The following MACF1 variants were observed in gnomAD, a reference collection of about 807,000 sequenced individuals.
MACF1 encodes the protein microtubule actin crosslinking factor 1.
MACF1 carries 193 observed loss-of-function variants against 854.8 expected under a neutral mutation model. The ratio of observed to expected loss-of-function variants is 0.23; its 90% CI spans 0.20 to 0.25. The LOEUF is 0.25. MACF1 is among the 10% of genes least tolerant of loss of function. The pLI, the probability that MACF1 is intolerant of heterozygous loss-of-function variation, is 1.00. For synonymous variants in MACF1, 3,185 were observed against 3,226.7 expected (o/e 0.99, Z 0.44); for missense variants, 7,722 against 8,929.1 (o/e 0.86, Z 5.45).
chr1:39,337,047 C>A (rs1011876571), intron 37 of MACF1, 135 bp from the exon 38 acceptor site: 1 of 761,562 alleles, frequency 1.3e-6, no homozygotes, highest in Non-Finnish European at 2.1e-6. Context: ...ATGACTTAAA[C>A]AAAGTGTTTT....
chr1:39,166,723 G>A (rs1197264967), intron 2 of MACF1, among the ~76,000 whole-genome samples: 2 of 151,642 alleles, frequency 1.3e-5, no homozygotes, highest in Admixed American at 1.3e-4. Context: ...AGAGTGCTGG[G>A]ATTACAGGCG....
At position 39,358,791 on chromosome 1, in the gene MACF1, G is replaced by A. The variant is rs770714824; in HGVS notation, c.12038G>A (p.Cys4013Tyr). The part of the protein sequence containing the change: ...ADSLQAWMQA[C>Y]EANVEKLLSD... The stretch of plus-strand genomic sequence containing the variant: ...AGCCTGCAGGCCTGGATGCAGGCTT[G>A]TGAGGCCAACGTGGAGAAGCTCCTC... Residue 4013 changes from cysteine to tyrosine, a missense_variant, in exon 46 of 101, where the codon TGT becomes TAT. This residue lies in a region of MACF1 where 2,807 missense variants were observed against 3,235.8 expected (regional missense o/e 0.87). Coordinates refer to ENST00000564288, the MANE Select transcript of MACF1 (RefSeq NM_001394062.1). The A allele has an allele frequency of 1.2e-6, 2 of 1,614,012 alleles. No individual in the cohort carries two copies. The highest frequency in any genetic ancestry group is 1.7e-6 in the Non-Finnish European group (2 of 1,179,990).
In MACF1 at chr1:39,336,375, G is replaced by A; in HGVS notation, c.9787G>A (p.Gly3263Ser). ...CATTGAGGACATAGTGACTCAGAGA[G>A]GTTCCAGAGTCTTGGGATCCTTTCT... is the stretch of plus-strand genomic sequence containing the variant. ...GSIEDIVTQR[G>S]SRVLGSFLPE... The change falls in exon 37 of 101, where the codon GGT becomes AGT. Residue 3263 changes from glycine to serine, a missense_variant. By Grantham distance (56) the Gly-to-Ser change is moderately conservative. Transcript: ENST00000564288. 6.2e-7 allele frequency: 1 copy of A among 1,614,202 alleles called. No individual in the cohort carries two copies. Among genetic ancestry groups the A allele is most frequent in the Non-Finnish European group, 8.5e-7 (1 of 1,180,030 alleles).
At chr1:39,471,022 A>G (rs1644766835) in intron 97 of MACF1, among the ~76,000 whole-genome samples, 1 of 152,196 alleles carries the variant, frequency 6.6e-6, no homozygotes, top group South Asian at 2.1e-4. Flanking sequence ...TTTCTATGAA[A>G]GCTAGTAACC....
At chr1:39,410,372 G>A (rs770796927) in intron 58 of MACF1, 3 of 1,613,954 alleles carry the variant, frequency 1.9e-6, no homozygotes, top group Non-Finnish European at 2.5e-6. Context: ...GTTCCACAAC[G>A]GTCTATATAT....
intron 58 of MACF1, among the ~76,000 whole-genome samples, chr1:39,406,948 GA>G (rs1301629937): frequency 6.6e-6 from 1 of 152,076 alleles, no homozygotes; most frequent in Non-Finnish European, 1.5e-5. Flanking sequence ...CAGTTGTGCT[GA>G]ATAATTAAAG....
At position 39,188,333 on chromosome 1, in the gene MACF1, C is replaced by T. The variant is rs189282914; in HGVS notation, c.221-42849C>T. ...TGAGGTGGGCAGATTGCTTGAGCCC[C>T]GGAGGTTGAAGCTGTAGTAAGCTGA... On this transcript the variant is annotated intron_variant, in intron 2 of 93. Transcript: ENST00000361689. Among the ~76,000 whole-genome samples the T allele has an allele frequency of 3.0e-3, 449 of 152,100 alleles. 1 individual carries two copies. The highest frequency in any genetic ancestry group is 0.01 in the African/African-American group (433 of 41,494).
chr1:39,276,040 T>G (rs1645430842), intron 6 of MACF1, among the ~76,000 whole-genome samples: 1 of 152,048 alleles, frequency 6.6e-6, no homozygotes, highest in South Asian at 2.1e-4. Context: ...GTGCCTCAAC[T>G]TGCCAAGTAG....
chr1:39,233,808 T>TTTTTTTTTTTTTTTTTTGTA (rs755591226), intron 2 of MACF1, among the ~76,000 whole-genome samples: 1 of 65,772 alleles, frequency 1.5e-5, no homozygotes. Context: ...ATTTATTTTT[T>TTTTTTTTTTTTTTTTTTGTA]ATTGATAATT....
chr1:39,368,049 T>G, intron 49 of MACF1, 99 bp from the exon 50 acceptor site: 1 of 825,706 alleles, frequency 1.2e-6, no homozygotes, highest in Non-Finnish European at 1.9e-6. Context: ...TGTTTTGATC[T>G]AGCATTTGAC....
chr1:39,396,502 G>A (rs1421306245), intron 58 of MACF1, among the ~76,000 whole-genome samples: 2 of 152,160 alleles, frequency 1.3e-5, no homozygotes, highest in Non-Finnish European at 2.9e-5. Flanking sequence ...TGTATCCTGT[G>A]CAGAACTTGT....
intron 49 of MACF1, among the ~76,000 whole-genome samples, chr1:39,365,175 C>T (rs1057207040): frequency 2.0e-5 from 3 of 152,130 alleles, no homozygotes; most frequent in African/African-American, 7.2e-5. Flanking sequence ...CTTCTGGGTC[C>T]ATGCCATTCT....
In MACF1 at chr1:39,331,805, C is replaced by G; in HGVS notation, c.5217C>G (p.Ser1739Arg). The stretch of plus-strand genomic sequence containing the variant: ...AACAATTGGCAGGGGGGATGGTGAG[C>G]TTGAAATCAGGCCGGAAGGTTAGCA... ...PVKQLAGGMV[S>R]LKSGRKVSIF... is the part of the protein sequence containing the mutation. Residue 1739 changes from serine (S) to arginine (R), a missense_variant, in exon 37 of 101, where the codon AGC (serine) becomes AGG (arginine). Ser to Arg is a moderately radical substitution (Grantham distance 110, BLOSUM62 -1). Transcript: ENST00000564288. 1 of 1,614,064 alleles carries G rather than the reference C, an allele frequency of 6.2e-7. No individual in the cohort carries two copies. The highest frequency in any genetic ancestry group is 8.5e-7 in the Non-Finnish European group (1 of 1,180,010).
At chr1:39,477,139 C>CACACATAT (rs1644921718) in intron 97 of MACF1, among the ~76,000 whole-genome samples, 1 of 108,532 alleles carries the variant, frequency 9.2e-6, no homozygotes, top group Admixed American at 8.9e-5. Context: ...TATATATACA[C>CACACATAT]ACACACACAC....
intron 57 of MACF1, 41 bp downstream of exon 57, chr1:39,385,970 G>A (rs1180417292): frequency 6.4e-7 from 1 of 1,555,440 alleles, no homozygotes; most frequent in Admixed American, 1.9e-5. Flanking sequence ...ATTATTAGAG[G>A]CAAGCAGAAA....
chr1:39,135,577 C>T (rs915039509), intron 2 of MACF1, among the ~76,000 whole-genome samples: 11 of 151,992 alleles, frequency 7.2e-5, no homozygotes, highest in African/African-American at 1.2e-4. Context: ...GTCTAAGGTG[C>T]GTTCAAAGGC....
intron 6 of MACF1, among the ~76,000 whole-genome samples, chr1:39,272,789 T>C (rs1645349775): frequency 6.6e-6 from 1 of 152,226 alleles, no homozygotes; most frequent in Admixed American, 6.5e-5. Flanking sequence ...CAGTTAATAC[T>C]TCTTTTGTCA....
intron 2 of MACF1, among the ~76,000 whole-genome samples, chr1:39,141,938 G>A (rs1461970380): frequency 6.6e-6 from 1 of 152,226 alleles, no homozygotes; most frequent in Non-Finnish European, 1.5e-5. Context: ...ACTTGAGGGA[G>A]ATAGAGGAAG....
In MACF1 at chr1:39,349,572, G is replaced by A. The variant is rs746901566; in HGVS notation, c.10910G>A (p.Gly3637Asp). Reference sequence around the variant, plus strand: ...GAAAGAGCACTGGCAGGCCACCAAGGCAGAACCACCCAGCAGGATCTCTCT... The same window carrying A: ...GAAAGAGCACTGGCAGGCCACCAAGACAGAACCACCCAGCAGGATCTCTCT... ...QAERALAGHQGRTTQQDLSAL... is the reference protein window; with the variant it reads ...QAERALAGHQDRTTQQDLSAL... Residue 3637 changes from glycine to aspartate, a missense_variant, in exon 42 of 101, where the codon GGC (glycine) becomes GAC (aspartate). Around this residue, in one of 15 missense-constraint regions of MACF1, gnomAD observed 2,807 missense variants for 3,235.8 expected, o/e 0.87. Coordinates refer to ENST00000564288, the MANE Select transcript of MACF1 (RefSeq NM_001394062.1). 112 of 1,614,088 alleles carry A rather than the reference G, an allele frequency of 6.9e-5. No homozygotes were observed. The highest frequency in any genetic ancestry group is 8.6e-5 in the Non-Finnish European group (101 of 1,180,040).
Sources: gnomAD v4.1 joint callset for allele counts (sites outside exome capture counted in the v4.1 genomes callset) on GRCh38, gnomAD v4.1.1 for gene constraint, gnomAD v4.1.1 regional missense constraint, MANE v1.5 for transcripts, NCBI Gene and HGNC (gene_info 2026-07-23, HGNC 2026-07-21) for gene names.